CCDC148: variants seen among roughly 807,000 people sequenced by gnomAD.
CCDC148 encodes the protein coiled-coil domain containing 148.
CCDC148 carries 89 observed loss-of-function variants against 85.7 expected under a neutral mutation model. That is an observed-to-expected ratio of 1.04 (90% confidence interval 0.87 to 1.24). The LOEUF is 1.24. Ranked by LOEUF, CCDC148 falls within the 50% of genes most tolerant of loss-of-function variation. The pLI is 0.00. For missense variants in CCDC148, 692 were observed against 671.7 expected (o/e 1.03, Z -0.33); for synonymous variants, 230 against 213.9 (o/e 1.08, Z -0.66).
At chr2:158,439,581 A>G (rs569681121) in intron 1 of CCDC148, among the ~76,000 whole-genome samples, 34 of 152,266 alleles carry the variant, frequency 2.2e-4, no homozygotes, top group African/African-American at 7.5e-4. Context: ...CATATGTAAC[A>G]AACCTGTACG....
At chr2:158,413,247 A>G (rs1686345265) in intron 1 of CCDC148, among the ~76,000 whole-genome samples, 1 of 152,158 alleles carries the variant, frequency 6.6e-6, no homozygotes, top group Non-Finnish European at 1.5e-5. Context: ...CAAACATATT[A>G]TCCCATTAAA....
chr2:158,247,824 C>T (rs540895772), intron 10 of CCDC148, among the ~76,000 whole-genome samples: 1 of 152,234 alleles, frequency 6.6e-6, no homozygotes, highest in African/African-American at 2.4e-5. Context: ...CCATTGCACT[C>T]CAGCCTGGGC....
intron 9 of CCDC148, among the ~76,000 whole-genome samples, chr2:158,261,056 A>G (rs1318932310): frequency 1.3e-5 from 2 of 152,100 alleles, no homozygotes; most frequent in African/African-American, 2.4e-5. Flanking sequence ...CAAATAGCCA[A>G]GACAATCACA....
intron 11 of CCDC148, among the ~76,000 whole-genome samples, chr2:158,216,281 T>G (rs1327911599): frequency 2.0e-5 from 3 of 152,072 alleles, no homozygotes; most frequent in Admixed American, 1.3e-4. Context: ...AATGTCCTCA[T>G]TTTTACATGT....
intron 11 of CCDC148, among the ~76,000 whole-genome samples, chr2:158,219,985 T>C (rs896728034): frequency 1.3e-5 from 2 of 152,224 alleles, no homozygotes; most frequent in East Asian, 3.8e-4. Flanking sequence ...AATTACTATA[T>C]GTTTTTTGTC....
intron 1 of CCDC148, among the ~76,000 whole-genome samples, chr2:158,430,757 C>CA (rs940971592): frequency 1.3e-5 from 2 of 151,284 alleles, no homozygotes; most frequent in African/African-American, 2.4e-5. Context: ...TTAAAAAGCA[C>CA]AAAAAATCCA....
intron 2 of CCDC148, among the ~76,000 whole-genome samples, 155 bp from the exon 3 acceptor site, chr2:158,345,473 T>C (rs1682951896): frequency 6.6e-6 from 1 of 152,166 alleles, no homozygotes; most frequent in Non-Finnish European, 1.5e-5. Context: ...CTAAAATAAA[T>C]TTGATTTTTT....
chr2:158,433,287 G>A (rs1687467195), intron 1 of CCDC148, among the ~76,000 whole-genome samples: 1 of 104,100 alleles, frequency 9.6e-6, no homozygotes, highest in African/African-American at 3.1e-5. Context: ...TAAAACAAAA[G>A]CACAAATAAA....
At chr2:158,431,378 C>T (rs1687341004) in intron 1 of CCDC148, among the ~76,000 whole-genome samples, 1 of 150,866 alleles carries the variant, frequency 6.6e-6, no homozygotes, top group Admixed American at 6.6e-5. Context: ...TAGAAAAACA[C>T]AGAGAAGAAT....
At chr2:158,259,628 T>C (rs1047166717) in intron 9 of CCDC148, among the ~76,000 whole-genome samples, 2 of 151,810 alleles carry the variant, frequency 1.3e-5, no homozygotes, top group African/African-American at 4.8e-5. Context: ...AGCCTCTTAA[T>C]AGCAGTGGCT....
intron 9 of CCDC148, among the ~76,000 whole-genome samples, chr2:158,284,039 C>T (rs1690487517): frequency 6.8e-6 from 1 of 147,832 alleles, no homozygotes; most frequent in Non-Finnish European, 1.5e-5. Flanking sequence ...AAAAACCAAA[C>T]ACCGCATATT....
intron 10 of CCDC148, among the ~76,000 whole-genome samples, chr2:158,239,397 T>C (rs1559009621): frequency 6.8e-6 from 1 of 146,820 alleles, no homozygotes; most frequent in Non-Finnish European, 1.5e-5. Context: ...TTTAAAAAGA[T>C]GCTCTAGTGG....
intron 9 of CCDC148, among the ~76,000 whole-genome samples, chr2:158,278,326 T>C (rs1690063050): frequency 6.6e-6 from 1 of 152,118 alleles, no homozygotes; most frequent in Non-Finnish European, 1.5e-5. Context: ...GGTGAGACAT[T>C]GCCTCACTCG....
chr2:158,228,826 G>A (rs1308843181), intron 10 of CCDC148, among the ~76,000 whole-genome samples: 1 of 131,026 alleles, frequency 7.6e-6, no homozygotes, highest in Non-Finnish European at 1.6e-5. Flanking sequence ...GGGGGAGGGG[G>A]GAGGGATAGT....
rs189657955 is a variant in CCDC148 at position 158,431,656 on chromosome 2, G to A, written c.25+24759C>T. ...TGCACCCTAAGAATTATTAAAGAAAGGCCAAGCACAGTGGCTCATGCCTAT... is the reference window on the plus strand; with the variant it reads ...TGCACCCTAAGAATTATTAAAGAAAAGCCAAGCACAGTGGCTCATGCCTAT... On this transcript the variant is annotated intron_variant, in intron 1 of 13. Transcript: ENST00000283233. 3.0e-3 allele frequency among the ~76,000 whole-genome samples: 452 copies of A among 152,256 alleles called. 2 individuals are homozygous for A. The highest frequency in any genetic ancestry group is 4.4e-3 in the Non-Finnish European group (297 of 68,012).
chr2:158,220,524 T>C, intron 11 of CCDC148, 71 bp downstream of exon 11: 1 of 1,025,070 alleles, frequency 9.8e-7, no homozygotes. Flanking sequence ...TCTGATATTA[T>C]TTATTCTAAC....
intron 11 of CCDC148, among the ~76,000 whole-genome samples, chr2:158,204,750 G>C (rs1164343851): frequency 1.3e-5 from 2 of 152,084 alleles, no homozygotes; most frequent in Non-Finnish European, 2.9e-5. Context: ...ATCTCAGCAG[G>C]CATCATGAAA....
intron 10 of CCDC148, among the ~76,000 whole-genome samples, chr2:158,233,767 T>C (rs761729982): frequency 3.9e-5 from 6 of 152,096 alleles, no homozygotes; most frequent in Non-Finnish European, 7.3e-5. Flanking sequence ...AAAGGTATTC[T>C]ATACTTAGTC....
At chr2:158,277,416 A>G (rs1048010618) in intron 9 of CCDC148, among the ~76,000 whole-genome samples, 1 of 152,170 alleles carries the variant, frequency 6.6e-6, no homozygotes, top group Non-Finnish European at 1.5e-5. Context: ...GTCATAGTCA[A>G]GGAGAATAAT....
Sources: gnomAD v4.1 joint callset for allele counts (sites outside exome capture counted in the v4.1 genomes callset) on GRCh38, gnomAD v4.1.1 for gene constraint, MANE v1.5 for transcripts, NCBI Gene and HGNC (gene_info 2026-07-23, HGNC 2026-07-21) for gene names.